Variants in RBM19 observed in about 807,000 individuals in gnomAD.
RBM19 encodes the protein RNA binding motif protein 19, also known as probable RNA-binding protein 19.
A neutral mutation model predicts 116.8 loss-of-function variants in RBM19; 94 were observed. That is an observed-to-expected ratio of 0.80 (90% CI 0.68 to 0.95). RBM19 has a LOEUF of 0.95. Ranked by LOEUF, RBM19 falls within the 40% of genes least tolerant of loss-of-function variation. RBM19 has a pLI of 0.00. For missense variants in RBM19, 1,161 were observed against 1,220.7 expected (o/e 0.95, Z 0.73); for synonymous variants, 475 against 494.1 (o/e 0.96, Z 0.51).
intron 8 of RBM19, 50 bp downstream of exon 8, chr12:113,952,462 A>G (rs1365107293): frequency 3.3e-6 from 5 of 1,513,264 alleles, no homozygotes; most frequent in South Asian, 1.2e-5. Flanking sequence ...CCCAACCTTC[A>G]ATCTTCACTG....
chr12:113,874,353 T>C (rs887375555), intron 21 of RBM19, among the ~76,000 whole-genome samples: 4 of 152,194 alleles, frequency 2.6e-5, no homozygotes, highest in African/African-American at 7.2e-5. Context: ...GGGCTCTCAA[T>C]ACCTGAAATA....
chr12:113,962,589 G>C (rs1872597496), intron 1 of RBM19, among the ~76,000 whole-genome samples, 175 bp from the exon 2 acceptor site: 1 of 152,176 alleles, frequency 6.6e-6, no homozygotes, highest in South Asian at 2.1e-4. Flanking sequence ...CACGAGTTGT[G>C]TGGCCTTGAG....
downstream of RBM19, chr12:113,822,016 G>T (rs944851778): frequency 1.3e-5 from 2 of 152,170 alleles, no homozygotes; most frequent in African/African-American, 4.8e-5. Flanking sequence ...TCACTTGGAG[G>T]CCCACCCAGT....
intron 21 of RBM19, among the ~76,000 whole-genome samples, chr12:113,861,081 C>T (rs1386007623): frequency 2.0e-5 from 3 of 152,212 alleles, no homozygotes; most frequent in Non-Finnish European, 4.4e-5. Context: ...AGCCAGGGAT[C>T]CTTCCTCACA....
chr12:113,872,569 T>G (rs1226144354), intron 21 of RBM19, among the ~76,000 whole-genome samples: 4 of 67,404 alleles, frequency 5.9e-5, no homozygotes, highest in Admixed American at 1.4e-4. Flanking sequence ...GGGAGGGAGG[T>G]GGGGGGGGGT....
chr12:113,898,497 A>G lies in RBM19; in HGVS notation c.2558+16472T>C, dbSNP rs1236681958. Among the ~76,000 whole-genome samples the G allele has an allele frequency of 6.6e-6, 1 of 152,234 alleles. No homozygotes were observed. Among genetic ancestry groups the G allele is most frequent in the Admixed American group, 6.5e-5 (1 of 15,286 alleles). On this transcript the variant is annotated intron_variant, in intron 21 of 23. Transcript: ENST00000261741. The surrounding 1 kb of genome is among the most constrained non-coding windows in gnomAD (Gnocchi z 4.3). ...AAACATTTTTCTGTTCCCAATTCCA[A>G]GAGTAATTGGTTATCCATTCATTCA... is the stretch of plus-strand genomic sequence containing the variant.
intron 21 of RBM19, among the ~76,000 whole-genome samples, chr12:113,893,413 G>A (rs1268042886): frequency 1.3e-5 from 2 of 152,164 alleles, no homozygotes; most frequent in African/African-American, 2.4e-5. Flanking sequence ...TTACAGGTGT[G>A]AGCCACCGCG....
chr12:113,888,447 G>T (rs901298810), intron 21 of RBM19, among the ~76,000 whole-genome samples: 4 of 151,986 alleles, frequency 2.6e-5, no homozygotes, highest in African/African-American at 9.7e-5. Flanking sequence ...GTCAATGTGG[G>T]GCCCATAAAG....
intron 23 of RBM19, among the ~76,000 whole-genome samples, chr12:113,830,801 G>T (rs1342777800): frequency 6.6e-6 from 1 of 152,194 alleles, no homozygotes; most frequent in East Asian, 1.9e-4. Flanking sequence ...TTAGGGTTTG[G>T]TCCACATTAG....
chr12:113,928,625 ATGTGTGTGTGTGTGTGTG>A, intron 16 of RBM19, among the ~76,000 whole-genome samples: 1 of 120,426 alleles, frequency 8.3e-6, no homozygotes, highest in Non-Finnish European at 1.8e-5. Context: ...TTAGCAAGGG[ATGTGTGTGTGTGTGTGTG>A]TGTGTGTGTG....
chr12:113,871,524 C>T lies in RBM19; in HGVS notation c.2559-12628G>A, dbSNP rs1039714260. Among the ~76,000 whole-genome samples, 4 of 152,222 alleles carry T rather than the reference C, an allele frequency of 2.6e-5. No homozygotes were observed. The East Asian group carries it at 5.8e-4, about 22-fold the overall frequency. ...TCTACTCTGCTCTGTAGCGTGAAAG[C>T]GGCCCCTGATGATATGTAAATGAGT... is the stretch of plus-strand genomic sequence containing the variant. On this transcript the variant is annotated intron_variant, in intron 21 of 23. Coordinates refer to ENST00000261741, the MANE Select transcript of RBM19 (RefSeq NM_016196.4).
At chr12:113,948,228 C>G (rs1463892072) in intron 10 of RBM19, among the ~76,000 whole-genome samples, 3 of 152,174 alleles carry the variant, frequency 2.0e-5, no homozygotes, top group Admixed American at 2.0e-4. Context: ...GTATCAAGAC[C>G]TCCCCTCATC....
At chr12:113,964,692 T>C (rs558393036) in intron 1 of RBM19, among the ~76,000 whole-genome samples, 11 of 152,266 alleles carry the variant, frequency 7.2e-5, no homozygotes, top group African/African-American at 1.7e-4. Context: ...AAATTCCTTA[T>C]TTTTCACAGT....
intron 23 of RBM19, among the ~76,000 whole-genome samples, chr12:113,826,077 C>A (rs543642025): frequency 6.6e-6 from 1 of 152,214 alleles, no homozygotes; most frequent in South Asian, 2.1e-4. Flanking sequence ...CAGGGCCTTG[C>A]ACCTGCTGTT....
chr12:113,950,046 G>GT, intron 9 of RBM19, 37 bp downstream of exon 9: 1 of 1,528,370 alleles, frequency 6.5e-7, no homozygotes, highest in South Asian at 1.1e-5. Context: ...AAGGAACGCT[G>GT]TAACACAGAG....
intron 7 of RBM19, 103 bp downstream of exon 7, chr12:113,955,028 C>T: frequency 8.6e-7 from 1 of 1,168,448 alleles, no homozygotes; most frequent in Non-Finnish European, 1.3e-6. Context: ...AGCTCATGTC[C>T]TCAACCGACT....
At chr12:113,915,653 A>G (rs978927395) in intron 20 of RBM19, among the ~76,000 whole-genome samples, 3 of 152,204 alleles carry the variant, frequency 2.0e-5, no homozygotes, top group Non-Finnish European at 4.4e-5. Flanking sequence ...CTGGGAGTTA[A>G]CAAGCTGGGT....
chr12:113,868,920 C>T (rs984350598), intron 21 of RBM19, among the ~76,000 whole-genome samples: 6 of 152,130 alleles, frequency 3.9e-5, no homozygotes, highest in African/African-American at 1.2e-4. Context: ...GATCCCAGCC[C>T]GGCACCTGCC....
chr12:113,907,931 G>A (rs1372649276), intron 21 of RBM19, among the ~76,000 whole-genome samples: 1 of 152,206 alleles, frequency 6.6e-6, no homozygotes. Context: ...CATAGCTGGA[G>A]TTGGTCAGTG....
Sources: allele counts gnomAD v4.1 joint callset (sites outside exome capture counted in the v4.1 genomes callset), GRCh38; gene constraint gnomAD v4.1.1; non-coding constraint Gnocchi (gnomAD v3.1); transcripts MANE v1.5; gene names NCBI Gene and HGNC (gene_info 2026-07-23, HGNC 2026-07-21).